The following TDRD3 variants were observed in gnomAD, a reference collection of about 807,000 sequenced individuals.
The protein encoded by TDRD3 is tudor domain-containing protein 3.
A neutral mutation model predicts 86.7 loss-of-function variants in TDRD3; 45 were observed. The ratio of observed to expected loss-of-function variants is 0.52; its 90% CI spans 0.41 to 0.67. TDRD3 has a LOEUF of 0.67. Ranked by LOEUF, TDRD3 falls within the 30% of genes least tolerant of loss-of-function variation. TDRD3 has a pLI of 0.00. For missense variants in TDRD3, 814 were observed against 889.0 expected (o/e 0.92, Z 1.07); for synonymous variants, 298 against 301.7 (o/e 0.99, Z 0.13).
At chr13:60,507,032 A>C (rs1164848947) in intron 8 of TDRD3, among the ~76,000 whole-genome samples, 3 of 152,064 alleles carry the variant, frequency 2.0e-5, no homozygotes, top group South Asian at 2.1e-4. Flanking sequence ...AATGGCAAGC[A>C]AAAAAAATGC....
rs1956324075 is a variant in TDRD3, at chr13:60,481,780, C to T, written c.496-1995C>T. On this transcript the variant is annotated intron_variant, in intron 5 of 13. Coordinates refer to ENST00000377881, the MANE Select transcript of TDRD3 (RefSeq NM_001146070.2). Reference sequence around the variant, plus strand: ...GGTCACATTTTTCTGTCTTGACATGCCTTGTAGTTTTTGCTTAGATGCTGG... The same window carrying T: ...GGTCACATTTTTCTGTCTTGACATGTCTTGTAGTTTTTGCTTAGATGCTGG... 3.3e-5 allele frequency among the ~76,000 whole-genome samples: 5 copies of T among 152,146 alleles called. No homozygotes were observed. In the South Asian group the frequency reaches 1.0e-3, roughly 32 times the overall value.
intron 12 of TDRD3, among the ~76,000 whole-genome samples, chr13:60,542,323 T>G (rs1957836407): frequency 6.6e-6 from 1 of 152,126 alleles, no homozygotes; most frequent in Admixed American, 6.6e-5. Flanking sequence ...TGAAGGATAT[T>G]TTTGTTTTGT....
At chr13:60,400,071 T>A (rs1323980379) in intron 1 of TDRD3, among the ~76,000 whole-genome samples, 1 of 152,238 alleles carries the variant, frequency 6.6e-6, no homozygotes, top group African/African-American at 2.4e-5. Flanking sequence ...TAGATTTTGC[T>A]GATTTGAACT....
upstream of TDRD3, chr13:60,397,059 G>T (rs1295112328): frequency 3.4e-6 from 1 of 291,800 alleles, no homozygotes; most frequent in African/African-American, 2.2e-5. Flanking sequence ...AGCCTTCGGG[G>T]AAGAGGCAAA....
intron 12 of TDRD3, among the ~76,000 whole-genome samples, chr13:60,538,559 A>C (rs1000995175): frequency 6.6e-6 from 1 of 152,144 alleles, no homozygotes; most frequent in African/African-American, 2.4e-5. Context: ...TATTTTAGCA[A>C]AGTAAATGAA....
intron 10 of TDRD3, among the ~76,000 whole-genome samples, chr13:60,526,403 G>T (rs891838582): frequency 3.3e-5 from 5 of 152,056 alleles, no homozygotes; most frequent in Admixed American, 3.3e-4. Flanking sequence ...TGGAACAAAA[G>T]CCAATATATG....
At chr13:60,504,622 A>C (rs1457352118) in intron 8 of TDRD3, among the ~76,000 whole-genome samples, 1 of 152,254 alleles carries the variant, frequency 6.6e-6, no homozygotes, top group African/African-American at 2.4e-5. Flanking sequence ...TTCCTTAAAA[A>C]AATATTTGAT....
At chr13:60,534,542 A>G (rs931126011) in intron 11 of TDRD3, among the ~76,000 whole-genome samples, 1 of 151,034 alleles carries the variant, frequency 6.6e-6, no homozygotes, top group Non-Finnish European at 1.5e-5. Context: ...TGACTGAAGC[A>G]CTGAGCAGCC....
In TDRD3 at chr13:60,528,508, G is replaced by C; in HGVS notation, c.1283G>C (p.Arg428Pro). The change falls in exon 11 of 14, where the codon CGT (arginine) becomes CCT (proline). Residue 428 changes from arginine (R) to proline (P), a missense_variant. By Grantham distance (103) the Arg-to-Pro change is moderately radical. Transcript: ENST00000377881. ...TRQPRNEKPPRFQRDSQNSKS... is the reference protein window; with the variant it reads ...TRQPRNEKPPPFQRDSQNSKS... ...CAGCCAAGAAATGAAAAACCGCCTC[G>C]TTTTCAAAGAGACTCCCAAAATTCA... 1 of 1,613,934 alleles carries C rather than the reference G, an allele frequency of 6.2e-7. No individual in the cohort carries two copies. Among genetic ancestry groups the C allele is most frequent in the East Asian group, 2.2e-5 (1 of 44,844 alleles).
At chr13:60,396,752 G>A (rs1463120815), upstream of TDRD3, 1 of 152,230 alleles carries the variant, frequency 6.6e-6, no homozygotes, top group Non-Finnish European at 1.5e-5. Context: ...TTTTTTCTTT[G>A]CGTCCGGGCG....
chr13:60,467,811 C>G (rs542739248), intron 5 of TDRD3, among the ~76,000 whole-genome samples: 1 of 152,180 alleles, frequency 6.6e-6, no homozygotes, highest in Non-Finnish European at 1.5e-5. Flanking sequence ...TTCCTAGTCT[C>G]ATTAGCTAAT....
chr13:60,535,147 A>C lies in TDRD3; in HGVS notation c.2032A>C (p.Met678Leu). Residue 678 changes from methionine (M) to leucine (L), a missense_variant, in exon 12 of 14, where the codon ATG (methionine) becomes CTG (leucine). By Grantham distance (15) the Met-to-Leu change is conservative. Coordinates refer to ENST00000377881, the MANE Select transcript of TDRD3 (RefSeq NM_001146070.2). The stretch of plus-strand genomic sequence containing the variant: ...AGTTGAAGCCCTCCATTCTTCGGGT[A>C]TGACAGCAGTTGTTAAATTCATTGA... ...AEVEALHSSG[M>L]TAVVKFIDYG... 2 of 1,613,948 alleles carry C rather than the reference A, an allele frequency of 1.2e-6. No individual in the cohort carries two copies. Among genetic ancestry groups the C allele is most frequent in the Non-Finnish European group, 1.7e-6 (2 of 1,179,898 alleles).
chr13:60,397,325 C>T lies in TDRD3; in HGVS notation c.-40C>T. 7.6e-7 allele frequency: 1 copy of T among 1,311,892 alleles called. No homozygotes were observed. The highest frequency in any genetic ancestry group is 1.0e-6 in the Non-Finnish European group (1 of 987,322). 81.3% of individuals were successfully genotyped at this position (1,311,892 alleles called of 1,614,324 possible). A position where few individuals can be genotyped will look rare whatever the true frequency, so the allele number is the denominator to read the frequency against. ...CAAGTAGGAGGCCTCCCCATCACCC[C>T]CACCCCAGCCCCCCACCACCCCCGG... On this transcript the variant is annotated 5_prime_UTR_variant, in exon 1 of 14. Coordinates refer to ENST00000377881, the MANE Select transcript of TDRD3 (RefSeq NM_001146070.2).
intron 5 of TDRD3, among the ~76,000 whole-genome samples, chr13:60,475,076 C>CT (rs569970058): frequency 5.4e-5 from 8 of 147,968 alleles, no homozygotes; most frequent in Non-Finnish European, 7.5e-5. Flanking sequence ...AAGTCTTTTC[C>CT]TTTTTTTTTT....
At chr13:60,562,166 A>G (rs140491719) in intron 12 of TDRD3, among the ~76,000 whole-genome samples, 1 of 152,152 alleles carries the variant, frequency 6.6e-6, no homozygotes, top group African/African-American at 2.4e-5. Flanking sequence ...TAAAAAAATT[A>G]TCTGGGTTTG....
At chr13:60,528,015 A>C (rs1020985979) in intron 10 of TDRD3, among the ~76,000 whole-genome samples, 1 of 152,196 alleles carries the variant, frequency 6.6e-6, no homozygotes, top group Non-Finnish European at 1.5e-5. Flanking sequence ...GCAGTTTCAT[A>C]GCAGTTTCTG....
At chr13:60,397,772 A>T (rs1052586689) in intron 1 of TDRD3, among the ~76,000 whole-genome samples, 2 of 151,392 alleles carry the variant, frequency 1.3e-5, no homozygotes, top group African/African-American at 4.8e-5. Flanking sequence ...TTCTCCGGGG[A>T]GGGGGTGTTT....
intron 11 of TDRD3, among the ~76,000 whole-genome samples, chr13:60,531,840 A>G (rs1957589504): frequency 6.6e-6 from 1 of 152,198 alleles, no homozygotes; most frequent in African/African-American, 2.4e-5. Context: ...TAAAAAAAAC[A>G]AAGAATGAAT....
At chr13:60,491,052 T>G (rs1490088164) in intron 7 of TDRD3, among the ~76,000 whole-genome samples, 1 of 149,056 alleles carries the variant, frequency 6.7e-6, no homozygotes, top group Non-Finnish European at 1.5e-5. Flanking sequence ...AGGCAGAGGT[T>G]GTGGTGAGTC....
Sources: allele counts gnomAD v4.1 joint callset (sites outside exome capture counted in the v4.1 genomes callset), GRCh38; gene constraint gnomAD v4.1.1; transcripts MANE v1.5; gene names NCBI Gene and HGNC (gene_info 2026-07-23, HGNC 2026-07-21).